Variants in FGF14 observed in about 807,000 individuals in gnomAD.
The protein encoded by FGF14 is fibroblast growth factor 14.
FGF14 carries 5 observed loss-of-function variants against 25.5 expected under a neutral mutation model. The observed-to-expected ratio is 0.20, with a 90% CI of 0.10 to 0.41. The LOEUF is 0.41. Ranked by LOEUF, FGF14 falls within the 10% of genes least tolerant of loss-of-function variation. The probability of loss-of-function intolerance (pLI) is 1.00; values close to 1 mark genes in which losing one functional copy is unlikely to be tolerated. For missense variants in FGF14, 222 were observed against 320.1 expected (o/e 0.69, Z 2.34); for synonymous variants, 138 against 118.3 (o/e 1.17, Z -1.08).
At chr13:101,975,367 T>A (rs1428133060) in intron 1 of FGF14, among the ~76,000 whole-genome samples, 1 of 152,142 alleles carries the variant, frequency 6.6e-6, no homozygotes, top group Non-Finnish European at 1.5e-5. Flanking sequence ...AATTCGCTTA[T>A]GCCTGACCCC....
At chr13:101,871,181 T>C (rs929033042) in intron 2 of FGF14, among the ~76,000 whole-genome samples, 45 of 152,242 alleles carry the variant, frequency 3.0e-4, no homozygotes, top group African/African-American at 1.1e-3. Context: ...TCTTACATAA[T>C]TATAAGGCAA....
intron 1 of FGF14, among the ~76,000 whole-genome samples, chr13:102,132,562 C>T (rs940131426): frequency 9.3e-5 from 14 of 150,356 alleles, no homozygotes; most frequent in African/African-American, 3.2e-4. Context: ...AGTGCAGTGG[C>T]ATGATCTCAG....
At chr13:101,770,053 G>A (rs999527011) in intron 3 of FGF14, among the ~76,000 whole-genome samples, 1 of 152,078 alleles carries the variant, frequency 6.6e-6, no homozygotes, top group Non-Finnish European at 1.5e-5. Context: ...CTGCATGTGG[G>A]GGCAAGGGGC....
intron 1 of FGF14, among the ~76,000 whole-genome samples, chr13:102,188,236 A>G (rs1287507202): frequency 6.6e-6 from 1 of 152,204 alleles, no homozygotes; most frequent in Non-Finnish European, 1.5e-5. Flanking sequence ...TTTCTGGGTT[A>G]AAAGACTAGA....
chr13:102,158,625 C>T (rs1210395113), intron 1 of FGF14, among the ~76,000 whole-genome samples: 1 of 151,696 alleles, frequency 6.6e-6, no homozygotes, highest in Non-Finnish European at 1.5e-5. Flanking sequence ...ACATACGTAA[C>T]AGACCTGCAC....
chr13:102,148,072 G>C (rs1474254175), intron 1 of FGF14, among the ~76,000 whole-genome samples: 1 of 152,062 alleles, frequency 6.6e-6, no homozygotes, highest in East Asian at 1.9e-4. Flanking sequence ...CAAGCATAGA[G>C]CCTCCAAGGC....
chr13:102,232,958 C>T (rs545600066), intron 1 of FGF14, among the ~76,000 whole-genome samples: 1 of 152,308 alleles, frequency 6.6e-6, no homozygotes, highest in South Asian at 2.1e-4. Context: ...GTGTCCCCCA[C>T]CTTTTCCGGT....
chr13:102,217,676 A>G (rs1235558743), intron 1 of FGF14, among the ~76,000 whole-genome samples: 2 of 152,208 alleles, frequency 1.3e-5, no homozygotes, highest in African/African-American at 4.8e-5. Flanking sequence ...TTGACTCAGA[A>G]AAAGAAAAGT....
At chr13:101,838,850 A>G (rs1456143987) in intron 3 of FGF14, among the ~76,000 whole-genome samples, 1 of 152,104 alleles carries the variant, frequency 6.6e-6, no homozygotes, top group Non-Finnish European at 1.5e-5. Flanking sequence ...TCCAATGGAC[A>G]GCAGTAATCA....
intron 1 of FGF14, among the ~76,000 whole-genome samples, chr13:102,045,366 T>C (rs2041935800): frequency 1.3e-5 from 2 of 152,108 alleles, no homozygotes; most frequent in Non-Finnish European, 2.9e-5. Flanking sequence ...GAATGCTTGA[T>C]CTCTTTCACG....
At chr13:102,004,155 C>T (rs1021123079) in intron 1 of FGF14, among the ~76,000 whole-genome samples, 1 of 151,854 alleles carries the variant, frequency 6.6e-6, no homozygotes, top group Admixed American at 6.5e-5. Flanking sequence ...ATAGCATTTA[C>T]TCCATCAGGT....
intron 1 of FGF14, among the ~76,000 whole-genome samples, chr13:102,330,678 T>A (rs1566941933): frequency 6.6e-6 from 1 of 152,120 alleles, no homozygotes; most frequent in East Asian, 1.9e-4. Context: ...GCAAGGTGAC[T>A]TTCTTGGCAA....
intron 1 of FGF14, among the ~76,000 whole-genome samples, chr13:102,184,367 G>A (rs1436979867): frequency 4.6e-5 from 7 of 152,150 alleles, no homozygotes; most frequent in African/African-American, 1.4e-4. Context: ...AGAAGGCTTA[G>A]AGACACATAT....
intron 1 of FGF14, among the ~76,000 whole-genome samples, chr13:102,232,477 A>G (rs866025130): frequency 2.0e-5 from 3 of 152,338 alleles, no homozygotes; most frequent in Middle Eastern, 3.4e-3. Context: ...TACCACATCT[A>G]CAATGTTTTA....
At chr13:101,929,935 A>G (rs763046873) in intron 1 of FGF14, among the ~76,000 whole-genome samples, 9 of 152,320 alleles carry the variant, frequency 5.9e-5, no homozygotes, top group Admixed American at 3.9e-4. Context: ...TTCATTTAGT[A>G]AAGAGAAAAA....
intron 1 of FGF14, among the ~76,000 whole-genome samples, chr13:102,327,702 G>T (rs1354259095): frequency 6.6e-6 from 1 of 151,956 alleles, no homozygotes; most frequent in African/African-American, 2.4e-5. Flanking sequence ...AGTTAGGCAT[G>T]GTAGTGCATG....
At chr13:101,764,503 C>T (rs1258243237) in intron 3 of FGF14, among the ~76,000 whole-genome samples, 2 of 152,186 alleles carry the variant, frequency 1.3e-5, no homozygotes, top group African/African-American at 2.4e-5. Flanking sequence ...TTTTCCCTAA[C>T]CCACAAGTGT....
rs376719197 is a variant in FGF14 at position 101,714,567 on chromosome 13, T to G, written c.*8264A>C. On this transcript the variant is annotated 3_prime_UTR_variant, in exon 5 of 5. Transcript: ENST00000376143. ...ATTTGTACAGGTGCAGTATTAACCT[T>G]TTCTAATTGCTCTATGCCACAGTTT... 151 of 1,413,096 alleles carry G rather than the reference T, an allele frequency of 1.1e-4. No individual in the cohort carries two copies. The highest frequency in any genetic ancestry group is 1.8e-4 in the Middle Eastern group (1 of 5,674). The allele number at this position is 1,413,096 out of a possible 1,614,324, so 87.5% of individuals were successfully genotyped here.
intron 1 of FGF14, among the ~76,000 whole-genome samples, chr13:101,915,771 C>T (rs1439426602): frequency 2.0e-5 from 3 of 152,174 alleles, no homozygotes; most frequent in Non-Finnish European, 4.4e-5. Flanking sequence ...TTTACTTCTG[C>T]CCCCCGCTCC....
Sources: gnomAD v4.1 joint callset for allele counts (sites outside exome capture counted in the v4.1 genomes callset) on GRCh38, gnomAD v4.1.1 for gene constraint, MANE v1.5 for transcripts, NCBI Gene and HGNC (gene_info 2026-07-23, HGNC 2026-07-21) for gene names.